The following IP6K3 variants were observed in gnomAD, a reference collection of about 807,000 sequenced individuals.
The protein encoded by IP6K3 is ATP:1D-myo-inositol-hexakisphosphate phosphotransferase.
IP6K3 carries 20 observed loss-of-function variants against 28.8 expected under a neutral mutation model. The observed-to-expected ratio is 0.70, with a 90% CI of 0.49 to 1.01. The LOEUF is 1.01. Ranked by LOEUF, IP6K3 falls within the 50% of genes least tolerant of loss-of-function variation. The pLI, the probability that IP6K3 is intolerant of heterozygous loss-of-function variation, is 0.00. For synonymous variants in IP6K3, 213 were observed against 221.3 expected (o/e 0.96, Z 0.33); for missense variants, 480 against 537.1 (o/e 0.89, Z 1.05).
At chr6:33,759,382 C>T in the IP6K3 span, among the ~76,000 whole-genome samples, 839 of 152,268 alleles carry the variant, frequency 5.5e-3, 10 homozygotes, top group Middle Eastern at 0.017. Context: ...GGAGAGACTA[C>T]AGGCACGCAC....
chr6:33,735,137 G>A (rs969871931), intron 2 of IP6K3, 141 bp downstream of exon 2: 4 of 659,910 alleles, frequency 6.1e-6, no homozygotes, highest in African/African-American at 5.5e-5. Flanking sequence ...GACAGAGAAG[G>A]CCAGCCCCGC....
In IP6K3 at chr6:33,726,750, G is replaced by A. The variant is rs1766127563; in HGVS notation, c.570C>T (p.Tyr190=). 1.9e-6 allele frequency: 3 copies of A among 1,599,132 alleles called. No individual in the cohort carries two copies. Among genetic ancestry groups the A allele is most frequent in the African/African-American group, 2.7e-5 (2 of 74,654 alleles). ...QAHLTRLCSE[Y]PENKRHRFLL... is the part of the protein sequence containing the mutation. ...GGATACGATGCCGCTTGTTCTCTGG[G>A]TACTCGGAGCACAGGCGGGTCAGGT... Residue 190 remains tyrosine, a synonymous_variant, in exon 4 of 6, where the codon TAC becomes TAT. Coordinates refer to ENST00000293756, the MANE Select transcript of IP6K3 (RefSeq NM_054111.5).
chr6:33,723,367 T>C (rs1036866163), intron 5 of IP6K3, among the ~76,000 whole-genome samples, 180 bp from the exon 6 acceptor site: 2 of 152,208 alleles, frequency 1.3e-5, no homozygotes, highest in African/African-American at 4.8e-5. Flanking sequence ...AGCTTTTACA[T>C]TTTAAAATGC....
At chr6:33,736,688 G>T (rs892409110) in intron 1 of IP6K3, among the ~76,000 whole-genome samples, 4 of 152,218 alleles carry the variant, frequency 2.6e-5, no homozygotes, top group African/African-American at 9.6e-5. Context: ...TTACAGGCGT[G>T]AGCCACCATG....
At chr6:33,737,317 C>T (rs1445028217) in intron 1 of IP6K3, among the ~76,000 whole-genome samples, 1 of 127,248 alleles carries the variant, frequency 7.9e-6, no homozygotes, top group African/African-American at 3.5e-5. Flanking sequence ...ATTCCCACAG[C>T]GGTGCCCTGA....
the IP6K3 span, among the ~76,000 whole-genome samples, chr6:33,761,353 C>T: frequency 6.6e-5 from 10 of 152,252 alleles, no homozygotes; most frequent in East Asian, 1.9e-3. Flanking sequence ...TACAGCCTCC[C>T]CCAGGGGAGG....
At chr6:33,726,382 C>G (rs905513814) in intron 4 of IP6K3, among the ~76,000 whole-genome samples, 1 of 152,188 alleles carries the variant, frequency 6.6e-6, no homozygotes, top group Non-Finnish European at 1.5e-5. Flanking sequence ...CCTGCTGCCC[C>G]CACGCAACAT....
chr6:33,728,101 G>T lies in IP6K3; in HGVS notation c.399C>A (p.Arg133=), dbSNP rs1297262569. The change falls in exon 3 of 6, where the codon CGC becomes CGA. Residue 133 remains arginine, a synonymous_variant. Transcript: ENST00000293756. ...LAQWPHAQLA[R]SPKESPAKAL... ...AGTGCCCTCACCTCTCCTTGGGTGA[G>T]CGTGCCAGCTGGGCATGCGGCCACT... The T allele has an allele frequency of 6.2e-7, 1 of 1,604,810 alleles. No homozygotes were observed. The highest frequency in any genetic ancestry group is 1.7e-5 in the Admixed American group (1 of 60,012).
chr6:33,747,807 C>T (rs185014198), upstream of IP6K3, among the ~76,000 whole-genome samples: 101 of 152,212 alleles, frequency 6.6e-4, no homozygotes, highest in Non-Finnish European at 9.1e-4. The surrounding 1 kb of genome is among the most constrained non-coding windows in gnomAD (Gnocchi z 5.2). Context: ...CAGGAAGAGT[C>T]GGCTCAGGCT....
chr6:33,724,457 G>C (rs2127347419), intron 5 of IP6K3, among the ~76,000 whole-genome samples: 1 of 152,334 alleles, frequency 6.6e-6, no homozygotes, highest in East Asian at 1.9e-4. Context: ...GACTATAAGA[G>C]GGAACGAGTA....
chr6:33,753,801 C>CTTTAT, the IP6K3 span, among the ~76,000 whole-genome samples: 23 of 150,698 alleles, frequency 1.5e-4, no homozygotes, highest in Admixed American at 2.6e-4. Flanking sequence ...TTGGCCTTTA[C>CTTTAT]TTTATTTTAT....
At position 33,744,531 on chromosome 6, in the gene IP6K3, T is replaced by A. The variant is rs1582230017; in HGVS notation, c.-180+2227A>T. On this transcript the variant is annotated intron_variant, in intron 1 of 5. Coordinates refer to ENST00000293756, the MANE Select transcript of IP6K3 (RefSeq NM_054111.5). This position sits in a 1 kb window ranked among gnomAD's most constrained non-coding sequence, Gnocchi z 4.4. Reference sequence around the variant, plus strand: ...GAATGCTTGTGCGTGTGTGGGAGTGTGTGGCTGAGGGAGAATGCAGGCAAG... The same window carrying A: ...GAATGCTTGTGCGTGTGTGGGAGTGAGTGGCTGAGGGAGAATGCAGGCAAG... 6.6e-6 allele frequency among the ~76,000 whole-genome samples: 1 copy of A among 152,212 alleles called. No individual in the cohort carries two copies. Among genetic ancestry groups the A allele is most frequent in the East Asian group, 1.9e-4 (1 of 5,188 alleles).
chr6:33,724,732 A>T (rs1248843984), intron 5 of IP6K3, among the ~76,000 whole-genome samples: 1 of 152,166 alleles, frequency 6.6e-6, no homozygotes, highest in Non-Finnish European at 1.5e-5. Context: ...TTTATCATTC[A>T]AGAGAAGGAG....
chr6:33,726,720 G>A lies in IP6K3; in HGVS notation c.589+11C>T. On this transcript the variant is annotated intron_variant, in intron 4 of 5. Coordinates refer to ENST00000293756, the MANE Select transcript of IP6K3 (RefSeq NM_054111.5). ...CCTTGGGACCACATGTGAGGGGGAT[G>A]GCAAGGATACGATGCCGCTTGTTCT... The A allele has an allele frequency of 1.3e-6, 2 of 1,567,300 alleles. No homozygotes were observed. Among genetic ancestry groups the A allele is most frequent in the Non-Finnish European group, 1.7e-6 (2 of 1,147,992 alleles).
At chr6:33,749,726 G>C (rs140000349), upstream of IP6K3, among the ~76,000 whole-genome samples, 512 of 151,782 alleles carry the variant, frequency 3.4e-3, 4 homozygotes, top group African/African-American at 0.012. Context: ...AAGCAGGTTA[G>C]GGGGAGGGCC....
intron 1 of IP6K3, among the ~76,000 whole-genome samples, chr6:33,745,384 G>A (rs1766869748): frequency 6.6e-6 from 1 of 152,188 alleles, no homozygotes; most frequent in South Asian, 2.1e-4. Flanking sequence ...AGGGATGCAG[G>A]GAAGTGGCCC....
At chr6:33,725,375 G>A (rs371732455) in intron 5 of IP6K3, 66 bp downstream of exon 5, 1 of 1,483,160 alleles carries the variant, frequency 6.7e-7, no homozygotes. Context: ...CTGGATGGGA[G>A]ATATCCTTGC....
chr6:33,741,645 CAAAA>C (rs11403411), intron 1 of IP6K3, among the ~76,000 whole-genome samples: 1 of 29,376 alleles, frequency 3.4e-5, no homozygotes, highest in Non-Finnish European at 5.1e-5. Flanking sequence ...GACTCCATCT[CAAAA>C]AAAAAAAAAA....
intron 2 of IP6K3, among the ~76,000 whole-genome samples, chr6:33,731,951 G>A (rs1373554900): frequency 6.6e-6 from 1 of 152,204 alleles, no homozygotes; most frequent in Non-Finnish European, 1.5e-5. Context: ...ACAGACAAGA[G>A]AGCTTACTGC....
Sources: gnomAD v4.1 joint callset for allele counts (sites outside exome capture counted in the v4.1 genomes callset) on GRCh38, gnomAD v4.1.1 for gene constraint, Gnocchi (gnomAD v3.1) non-coding constraint, MANE v1.5 for transcripts, NCBI Gene and HGNC (gene_info 2026-07-23, HGNC 2026-07-21) for gene names.